The following SLC25A48 variants were observed in gnomAD, a reference collection of about 807,000 sequenced individuals.
SLC25A48 encodes solute carrier family 25 member 48.
Under a neutral mutation model 32.2 loss-of-function variants are expected in SLC25A48, and 29 were observed. That is an observed-to-expected ratio of 0.90 (90% CI 0.67 to 1.23). SLC25A48 has a LOEUF of 1.23. Among genes scored for constraint, SLC25A48 ranks in the 50% most tolerant of loss-of-function variants. SLC25A48 has a pLI of 0.00. For missense variants in SLC25A48, 399 were observed against 422.7 expected (o/e 0.94, Z 0.49); for synonymous variants, 164 against 172.3 (o/e 0.95, Z 0.38).
At chr5:135,796,188 G>C (rs1158171862) in intron 3 of SLC25A48, among the ~76,000 whole-genome samples, 2 of 151,690 alleles carry the variant, frequency 1.3e-5, no homozygotes, top group Admixed American at 6.6e-5. Flanking sequence ...AGCCCCCTGT[G>C]ATATGGTTCG....
chr5:135,884,044 C>A (rs975186917), intron 7 of SLC25A48, among the ~76,000 whole-genome samples: 1 of 152,314 alleles, frequency 6.6e-6, no homozygotes, highest in African/African-American at 2.4e-5. Context: ...TGGCAGCCAC[C>A]ACCAGCCGTG....
chr5:135,755,464 T>C (rs553958022), intron 3 of SLC25A48, among the ~76,000 whole-genome samples: 24 of 152,028 alleles, frequency 1.6e-4, no homozygotes, highest in Non-Finnish European at 2.6e-4. Context: ...TAAGTAAATA[T>C]TGCTGTGATA....
intron 3 of SLC25A48, among the ~76,000 whole-genome samples, chr5:135,794,076 G>A (rs1757102533): frequency 6.6e-6 from 1 of 151,780 alleles, no homozygotes; most frequent in African/African-American, 2.4e-5. Context: ...TTGTAATATT[G>A]TTCCAAATAT....
chr5:135,746,108 C>T (rs1245614600), intron 3 of SLC25A48: 1 of 152,662 alleles, frequency 6.6e-6, no homozygotes, highest in African/African-American at 2.4e-5. Flanking sequence ...ATGCTCAGCG[C>T]CCTCTAGGCC....
At chr5:135,625,153 G>T (rs1752416004) in intron 1 of SLC25A48, among the ~76,000 whole-genome samples, 1 of 152,088 alleles carries the variant, frequency 6.6e-6, no homozygotes, top group African/African-American at 2.4e-5. Context: ...GATAGGTGAG[G>T]GTGAGATGAG....
intron 1 of SLC25A48, among the ~76,000 whole-genome samples, chr5:135,596,447 A>C (rs1751652788): frequency 6.6e-6 from 1 of 152,186 alleles, no homozygotes; most frequent in African/African-American, 2.4e-5. Context: ...ACTTAACAGC[A>C]ACACCATGTC....
intron 3 of SLC25A48, among the ~76,000 whole-genome samples, chr5:135,769,780 T>A (rs1366672450): frequency 6.6e-6 from 1 of 151,400 alleles, no homozygotes; most frequent in East Asian, 1.9e-4. Context: ...TTTTGTTAGA[T>A]CCAGAAAAAG....
chr5:135,886,601 AT>A (rs1305546028), intron 7 of SLC25A48, among the ~76,000 whole-genome samples: 24 of 16,714 alleles, frequency 1.4e-3, no homozygotes, highest in African/African-American at 3.5e-3. Flanking sequence ...ATATATATAT[AT>A]ATATATATAT....
intron 3 of SLC25A48, among the ~76,000 whole-genome samples, chr5:135,697,841 G>A (rs977919285): frequency 3.9e-5 from 6 of 152,148 alleles, no homozygotes; most frequent in Non-Finnish European, 5.9e-5. Flanking sequence ...CCAGGGTTAG[G>A]CTCTCAAAAA....
intron 4 of SLC25A48, among the ~76,000 whole-genome samples, chr5:135,870,448 A>G: frequency 6.6e-6 from 1 of 152,166 alleles, no homozygotes; most frequent in East Asian, 1.9e-4. Context: ...AATGAGAGAG[A>G]GGCAGAGTCT....
chr5:135,876,279 C>T (rs1433619560), intron 6 of SLC25A48: 1 of 151,290 alleles, frequency 6.6e-6, no homozygotes, highest in African/African-American at 2.4e-5. Flanking sequence ...ATTAATGTGT[C>T]ATAATTCGTA....
intron 3 of SLC25A48, among the ~76,000 whole-genome samples, chr5:135,640,216 A>G (rs1455930612): frequency 3.3e-5 from 5 of 152,232 alleles, no homozygotes; most frequent in South Asian, 4.1e-4. Context: ...AAATGTTTCA[A>G]TCTGAAGAAT....
At chr5:135,772,527 C>T (rs950188044) in intron 3 of SLC25A48, among the ~76,000 whole-genome samples, 45 of 151,458 alleles carry the variant, frequency 3.0e-4, no homozygotes, top group African/African-American at 1.0e-3. Context: ...CGAGTGTACG[C>T]CCCCTATGAT....
chr5:135,833,604 G>A (rs1414678014), upstream of SLC25A48, among the ~76,000 whole-genome samples: 2 of 152,164 alleles, frequency 1.3e-5, no homozygotes, highest in East Asian at 3.9e-4. Flanking sequence ...CCGGGATGGG[G>A]TGTGATGCTT....
At chr5:135,727,285 G>GCACA (rs1561465486) in intron 3 of SLC25A48, among the ~76,000 whole-genome samples, 45 of 129,764 alleles carry the variant, frequency 3.5e-4, no homozygotes, top group African/African-American at 1.2e-3. Flanking sequence ...ATATATGTAT[G>GCACA]TACACACACA....
chr5:135,682,443 A>C (rs1386345101), intron 3 of SLC25A48, among the ~76,000 whole-genome samples: 2 of 152,148 alleles, frequency 1.3e-5, no homozygotes, highest in Admixed American at 1.3e-4. Flanking sequence ...GTGTGCATGC[A>C]TGTGTTTAAA....
At chr5:135,860,550 A>C (rs1278158728) in intron 4 of SLC25A48, among the ~76,000 whole-genome samples, 1 of 152,210 alleles carries the variant, frequency 6.6e-6, no homozygotes, top group African/African-American at 2.4e-5. Context: ...AAGAGAAGGC[A>C]AAAAGGTAGA....
Position 135,845,921 on chromosome 5 carries a change from C to T in SLC25A48, c.90+3462C>T, listed in dbSNP as rs377443178. On this transcript the variant is annotated intron_variant, in intron 2 of 7. Coordinates refer to ENST00000681962, the MANE Select transcript of SLC25A48 (RefSeq NM_001349336.2). ...TGGCTGGTGCCTATGTCTGATGCAG[C>T]GTGGCTAGGTTTTCTAGTCAGGGCT... 2.5e-4 allele frequency among the ~76,000 whole-genome samples: 38 copies of T among 152,286 alleles called. No homozygotes were observed. In the East Asian group the frequency reaches 4.3e-3, roughly 17 times the overall value.
intron 1 of SLC25A48, among the ~76,000 whole-genome samples, chr5:135,622,459 C>T (rs1042424105): frequency 6.6e-6 from 1 of 152,136 alleles, no homozygotes; most frequent in Non-Finnish European, 1.5e-5. Context: ...TAAATCATGG[C>T]CCATCCATAT....
Sources: gnomAD v4.1 joint callset for allele counts (sites outside exome capture counted in the v4.1 genomes callset) on GRCh38, gnomAD v4.1.1 for gene constraint, MANE v1.5 for transcripts, NCBI Gene and HGNC (gene_info 2026-07-23, HGNC 2026-07-21) for gene names.